Variants in RPN2 observed in about 807,000 individuals in gnomAD.
The protein encoded by RPN2 is ribophorin II.
In RPN2, 29 loss-of-function variants were observed where a neutral mutation model predicts 71.4. That is an observed-to-expected ratio of 0.41 (90% CI 0.30 to 0.55). The LOEUF (loss-of-function observed/expected upper bound fraction) is 0.55. RPN2 is among the 20% of genes least tolerant of loss of function. The pLI is 0.35. For synonymous variants in RPN2, 308 were observed against 305.0 expected (o/e 1.01, Z -0.10); for missense variants, 726 against 774.1 (o/e 0.94, Z 0.74).
intron 8 of RPN2, among the ~76,000 whole-genome samples, chr20:37,212,792 A>C (rs2067706216): frequency 6.6e-6 from 1 of 152,074 alleles, no homozygotes; most frequent in African/African-American, 2.4e-5. Flanking sequence ...GAACTTTTTG[A>C]AGTGTTAAAT....
intron 7 of RPN2, among the ~76,000 whole-genome samples, chr20:37,207,673 G>C (rs1488408910): frequency 6.6e-6 from 1 of 151,972 alleles, no homozygotes; most frequent in East Asian, 1.9e-4. Flanking sequence ...TTCCCCTCGT[G>C]GATTTTTAAT....
rs113181083 is a variant in RPN2 at position 37,226,284 on chromosome 20, G to A, written c.1299+482G>A. On this transcript the variant is annotated intron_variant, in intron 11 of 16. Coordinates refer to ENST00000237530, the MANE Select transcript of RPN2 (RefSeq NM_002951.5). ...GACAGGGTTTCACCATGTTGGCCAG[G>A]CTGTTCTCATCTCCTGACCTCAGGT... 5.1e-3 allele frequency among the ~76,000 whole-genome samples: 783 copies of A among 152,266 alleles called. 5 individuals are homozygous for A. The highest frequency in any genetic ancestry group is 0.018 in the African/African-American group (746 of 41,552).
At chr20:37,180,211 A>G (rs1409892378) in intron 1 of RPN2, among the ~76,000 whole-genome samples, 1 of 152,202 alleles carries the variant, frequency 6.6e-6, no homozygotes, top group African/African-American at 2.4e-5. Flanking sequence ...CACATGAATG[A>G]GTCAGTGGCT....
chr20:37,182,553 G>A (rs1398835572), intron 1 of RPN2, among the ~76,000 whole-genome samples: 4 of 151,992 alleles, frequency 2.6e-5, no homozygotes, highest in Admixed American at 6.6e-5. Flanking sequence ...ACCATGCCTG[G>A]CTAATTTTTG....
intron 2 of RPN2, among the ~76,000 whole-genome samples, chr20:37,187,563 G>A (rs908114622): frequency 7.9e-4 from 120 of 151,928 alleles, no homozygotes; most frequent in Non-Finnish European, 1.3e-3. Flanking sequence ...GTTTACATCT[G>A]TCATCTTGTT....
At chr20:37,219,700 C>T (rs1483902898) in intron 9 of RPN2, among the ~76,000 whole-genome samples, 1 of 152,188 alleles carries the variant, frequency 6.6e-6, no homozygotes, top group African/African-American at 2.4e-5. Context: ...ATACTTTTGG[C>T]TCCTACCCTT....
Position 37,204,776 on chromosome 20 carries a change from G to A in RPN2, c.565G>A (p.Ala189Thr). Residue 189 changes from alanine to threonine, a missense_variant, in exon 6 of 17, where the codon GCT becomes ACT. By Grantham distance (58) the Ala-to-Thr change is moderately conservative. Transcript: ENST00000237530. ...TGTTTTGTTATGGCAGGACCTTGTT[G>A]CTCGCCTGGATGAACTCGGGGGCGT... ...SIVEEIEDLV[A>T]RLDELGGVYL... 6.2e-7 allele frequency: 1 copy of A among 1,614,150 alleles called. No homozygotes were observed. Among genetic ancestry groups the A allele is most frequent in the Non-Finnish European group, 8.5e-7 (1 of 1,180,040 alleles).
chr20:37,221,485 A>G (rs2067957208), intron 9 of RPN2, among the ~76,000 whole-genome samples: 1 of 152,220 alleles, frequency 6.6e-6, no homozygotes, highest in Non-Finnish European at 1.5e-5. Context: ...GGCGTGAGCC[A>G]CCACGCCCGG....
At chr20:37,188,922 C>T (rs1420956970) in intron 2 of RPN2, among the ~76,000 whole-genome samples, 1 of 150,576 alleles carries the variant, frequency 6.6e-6, no homozygotes, top group African/African-American at 2.5e-5. Flanking sequence ...TGTGCCCAGC[C>T]TCCAATTGAT....
At chr20:37,192,058 C>T (rs1047294432) in intron 2 of RPN2, among the ~76,000 whole-genome samples, 2 of 151,832 alleles carry the variant, frequency 1.3e-5, no homozygotes, top group African/African-American at 4.8e-5. Flanking sequence ...GCTGTGATGG[C>T]ACCACTGCAG....
chr20:37,212,815 T>C (rs540899017), intron 8 of RPN2, among the ~76,000 whole-genome samples: 1 of 152,250 alleles, frequency 6.6e-6, no homozygotes, highest in East Asian at 1.9e-4. Context: ...GGTAATAAGT[T>C]ATTGAGATCA....
chr20:37,234,682 G>A (rs1010466658), intron 15 of RPN2, among the ~76,000 whole-genome samples: 6 of 66,942 alleles, frequency 9.0e-5, no homozygotes, highest in Admixed American at 8.0e-4. Context: ...TTTTTTGTTC[G>A]TTGTTTTTTT....
chr20:37,212,485 AT>A (rs11477716), intron 8 of RPN2, among the ~76,000 whole-genome samples: 87,592 of 145,482 alleles, frequency 0.6, 26,303 homozygotes, highest in African/African-American at 0.7. Context: ...ATTGTATAGA[AT>A]TTTTTTTTTT....
intron 2 of RPN2, among the ~76,000 whole-genome samples, chr20:37,194,065 C>T (rs529813233): frequency 3.9e-5 from 6 of 152,110 alleles, no homozygotes; most frequent in African/African-American, 1.4e-4. Flanking sequence ...AGGACGTGAT[C>T]GGTCTGTCCA....
chr20:37,225,712 G>A lies in RPN2; in HGVS notation c.1209G>A (p.Lys403=). 6.2e-7 allele frequency: 1 copy of A among 1,614,042 alleles called. No homozygotes were observed. Among genetic ancestry groups the A allele is most frequent in the Admixed American group, 1.7e-5 (1 of 60,004 alleles). The change falls in exon 11 of 17, where the codon AAG becomes AAA. Residue 403 remains lysine, a synonymous_variant. Coordinates refer to ENST00000237530, the MANE Select transcript of RPN2 (RefSeq NM_002951.5). ...GGGTGACATACCCAGCCAAAGCCAA[G>A]GGCACATTCATCGCAGACAGCCACC... ...TTRVTYPAKA[K]GTFIADSHQN...
intron 2 of RPN2, among the ~76,000 whole-genome samples, chr20:37,185,030 C>G (rs2066976832): frequency 6.6e-6 from 1 of 152,088 alleles, no homozygotes; most frequent in Non-Finnish European, 1.5e-5. Flanking sequence ...GTGGAAGGCA[C>G]TCACATGTAT....
intron 2 of RPN2, among the ~76,000 whole-genome samples, chr20:37,192,934 C>G (rs950490907): frequency 5.3e-5 from 8 of 152,058 alleles, no homozygotes; most frequent in African/African-American, 1.9e-4. Context: ...TGAAACCAGC[C>G]TGGGCAACAA....
chr20:37,190,440 C>G (rs1197710881), intron 2 of RPN2, among the ~76,000 whole-genome samples: 1 of 152,168 alleles, frequency 6.6e-6, no homozygotes, highest in Admixed American at 6.5e-5. Context: ...ACCTGAGTCA[C>G]CTGTGCAGCT....
chr20:37,215,212 A>G (rs1018652661), intron 9 of RPN2, among the ~76,000 whole-genome samples: 1 of 152,146 alleles, frequency 6.6e-6, no homozygotes, highest in Non-Finnish European at 1.5e-5. Flanking sequence ...CTCCTGTGAC[A>G]CTTGCTTTCT....
Sources: gnomAD v4.1 joint callset for allele counts (sites outside exome capture counted in the v4.1 genomes callset) on GRCh38, gnomAD v4.1.1 for gene constraint, MANE v1.5 for transcripts, NCBI Gene and HGNC (gene_info 2026-07-23, HGNC 2026-07-21) for gene names.